KLHDC1: variants seen among roughly 807,000 people sequenced by gnomAD.
KLHDC1 encodes the protein kelch domain containing 1.
KLHDC1 carries 53 observed loss-of-function variants against 68.3 expected under a neutral mutation model. The observed-to-expected ratio is 0.78, with a 90% confidence interval of 0.62 to 0.98. The LOEUF (loss-of-function observed/expected upper bound fraction) is 0.98. KLHDC1 is among the 50% of genes least tolerant of loss of function. KLHDC1 has a pLI of 0.00. For synonymous variants in KLHDC1, 148 were observed against 159.0 expected (o/e 0.93, Z 0.52); for missense variants, 470 against 492.3 (o/e 0.95, Z 0.43).
At chr14:49,693,331 G>C in intron 1 of KLHDC1, 41 bp downstream of exon 1, 6 of 1,361,908 alleles carry the variant, frequency 4.4e-6, no homozygotes, top group Non-Finnish European at 5.8e-6. Flanking sequence ...CGCGCCGGGA[G>C]ACCCTCGGCC....
At chr14:49,724,765 T>C (rs925487187) in intron 5 of KLHDC1, among the ~76,000 whole-genome samples, 5 of 152,048 alleles carry the variant, frequency 3.3e-5, no homozygotes, top group Non-Finnish European at 7.4e-5. Context: ...TCAATTTTTT[T>C]CTCCTACAAT....
At chr14:49,730,721 C>G (rs1050018607) in intron 8 of KLHDC1, among the ~76,000 whole-genome samples, 7 of 152,094 alleles carry the variant, frequency 4.6e-5, no homozygotes, top group African/African-American at 7.2e-5. Flanking sequence ...ACCTGTAATC[C>G]CAGCACTTTG....
intron 1 of KLHDC1, among the ~76,000 whole-genome samples, chr14:49,694,935 G>A (rs1566590102): frequency 6.6e-6 from 1 of 152,166 alleles, no homozygotes; most frequent in African/African-American, 2.4e-5. Context: ...AGCCTTCAGC[G>A]AGTTGTATTC....
At chr14:49,736,164 G>T (rs1021714470) in intron 10 of KLHDC1, among the ~76,000 whole-genome samples, 2 of 152,050 alleles carry the variant, frequency 1.3e-5, no homozygotes, top group East Asian at 3.8e-4. Flanking sequence ...TTTTAAAATT[G>T]CTCCTATTTT....
Position 49,693,181 on chromosome 14 carries a change from C to T in KLHDC1, c.-14C>T, listed in dbSNP as rs766279614. On this transcript the variant is annotated 5_prime_UTR_variant, in exon 1 of 13. Transcript: ENST00000359332. ...GGTTGTGGCGCGGCAAGCGGCGGGC[C>T]AGCGACGGCGCGAATGGCGGACTCT... 6.3e-7 allele frequency: 1 copy of T among 1,576,124 alleles called. No individual in the cohort carries two copies. The highest frequency in any genetic ancestry group is 8.6e-7 in the Non-Finnish European group (1 of 1,163,208).
At chr14:49,695,406 G>A (rs1048863909) in intron 1 of KLHDC1, among the ~76,000 whole-genome samples, 2 of 152,172 alleles carry the variant, frequency 1.3e-5, no homozygotes, top group Non-Finnish European at 2.9e-5. Flanking sequence ...AAATCTTGTA[G>A]ATCTCCCATC....
Position 49,709,785 on chromosome 14 carries a change from T to C in KLHDC1, c.244T>C (p.Tyr82His). Residue 82 changes from tyrosine (Y) to histidine (H), a missense_variant, in exon 3 of 13, where the codon TAC becomes CAC. Coordinates refer to ENST00000359332, the MANE Select transcript of KLHDC1 (RefSeq NM_172193.3). Reference protein sequence around the residue: ...SCGACINGKLYIFGGYDDKGY... With the variant: ...SCGACINGKLHIFGGYDDKGY... The stretch of plus-strand genomic sequence containing the variant: ...TGGTGCTTGCATTAATGGAAAGCTG[T>C]ACATTTTTGGAGGATATGATGACAA... 6.2e-7 allele frequency: 1 copy of C among 1,602,974 alleles called. No homozygotes were observed. Among genetic ancestry groups the C allele is most frequent in the Admixed American group, 1.7e-5 (1 of 58,020 alleles).
At chr14:49,706,354 G>T (rs1888050141) in intron 1 of KLHDC1, among the ~76,000 whole-genome samples, 1 of 152,138 alleles carries the variant, frequency 6.6e-6, no homozygotes, top group African/African-American at 2.4e-5. Context: ...TTGTGTATGA[G>T]TACCACATTT....
At chr14:49,741,409 G>A (rs760215585) in intron 11 of KLHDC1, among the ~76,000 whole-genome samples, 9 of 151,684 alleles carry the variant, frequency 5.9e-5, no homozygotes, top group African/African-American at 9.7e-5. Flanking sequence ...GGGTTCAAGC[G>A]ATTCTCCGGC....
chr14:49,701,395 T>TA (rs1359025843), intron 1 of KLHDC1, among the ~76,000 whole-genome samples: 2 of 152,008 alleles, frequency 1.3e-5, no homozygotes, highest in African/African-American at 4.8e-5. Flanking sequence ...CACAGTGGCT[T>TA]ACGCCTGTAA....
intron 4 of KLHDC1, among the ~76,000 whole-genome samples, chr14:49,716,431 T>C (rs968550525): frequency 4.6e-5 from 7 of 151,918 alleles, no homozygotes; most frequent in African/African-American, 1.7e-4. Flanking sequence ...TTGCCCAGGC[T>C]GGAGTGCAAT....
intron 10 of KLHDC1, among the ~76,000 whole-genome samples, chr14:49,738,447 A>G (rs955596604): frequency 1.3e-5 from 2 of 151,742 alleles, no homozygotes; most frequent in Non-Finnish European, 2.9e-5. Flanking sequence ...CCTGGGTTTA[A>G]GCAGTTCTCC....
At chr14:49,748,154 T>G (rs979525398) in intron 12 of KLHDC1, among the ~76,000 whole-genome samples, 1 of 152,056 alleles carries the variant, frequency 6.6e-6, no homozygotes, top group Non-Finnish European at 1.5e-5. Context: ...AATGAAAAGG[T>G]TTCTCCACAC....
chr14:49,731,351 T>G (rs1032270007), intron 8 of KLHDC1, among the ~76,000 whole-genome samples: 1 of 152,230 alleles, frequency 6.6e-6, no homozygotes, highest in Non-Finnish European at 1.5e-5. Flanking sequence ...AAACAAATTG[T>G]ATCTTCCAAA....
At chr14:49,741,859 T>C (rs1043362782) in intron 11 of KLHDC1, among the ~76,000 whole-genome samples, 4 of 152,016 alleles carry the variant, frequency 2.6e-5, no homozygotes, top group African/African-American at 9.7e-5. Context: ...CACTCAGAAA[T>C]AGAGGATTCT....
intron 4 of KLHDC1, among the ~76,000 whole-genome samples, chr14:49,717,138 T>C (rs1888399935): frequency 6.6e-6 from 1 of 152,236 alleles, no homozygotes; most frequent in African/African-American, 2.4e-5. Context: ...GGGTTGTGTC[T>C]ACCTTTTCGC....
At chr14:49,725,578 C>T (rs558524494) in intron 5 of KLHDC1, 108 bp from the exon 6 acceptor site, 17 of 677,750 alleles carry the variant, frequency 2.5e-5, no homozygotes, top group African/African-American at 2.2e-4. Flanking sequence ...ACACTTAACT[C>T]TATTTTTGTA....
chr14:49,704,309 A>C (rs1243495994), intron 1 of KLHDC1, among the ~76,000 whole-genome samples: 1 of 151,662 alleles, frequency 6.6e-6, no homozygotes. Context: ...TAATTTATAC[A>C]AGTTTTAAAA....
chr14:49,705,741 C>T (rs1168533217), intron 1 of KLHDC1, among the ~76,000 whole-genome samples: 1 of 152,116 alleles, frequency 6.6e-6, no homozygotes, highest in Non-Finnish European at 1.5e-5. Flanking sequence ...TAGACTCATA[C>T]AGTAGCTCCC....
Sources: allele counts gnomAD v4.1 joint callset (sites outside exome capture counted in the v4.1 genomes callset), GRCh38; gene constraint gnomAD v4.1.1; transcripts MANE v1.5; gene names NCBI Gene and HGNC (gene_info 2026-07-23, HGNC 2026-07-21).